STK3: variants seen among roughly 807,000 people sequenced by gnomAD.
STK3 encodes the protein serine/threonine-protein kinase 3.
A neutral mutation model predicts 58.0 loss-of-function variants in STK3; 41 were observed. That is an observed-to-expected ratio of 0.71 (90% confidence interval 0.55 to 0.92). STK3 has a LOEUF of 0.92. STK3 is among the 40% of genes least tolerant of loss of function. STK3 has a pLI of 0.00. For missense variants in STK3, 479 were observed against 602.7 expected (o/e 0.79, Z 2.15); for synonymous variants, 170 against 191.0 (o/e 0.89, Z 0.91).
chr8:98,609,624 T>G (rs979286245), intron 6 of STK3, among the ~76,000 whole-genome samples: 1 of 152,068 alleles, frequency 6.6e-6, no homozygotes, highest in African/African-American at 2.4e-5. Context: ...GCTGATGAAC[T>G]AATTGCCTTG....
rs1812179072 is a variant in STK3, at chr8:98,562,981, G to A, written c.949-14820C>T. On this transcript the variant is annotated intron_variant, in intron 8 of 10. Transcript: ENST00000419617. ...CAAAATTAAAAAAAAAAATTTAGGA[G>A]GTCAGGGGATCCCAGGGTGAAATGT... Among the ~76,000 whole-genome samples the A allele has an allele frequency of 2.0e-5, 3 of 150,362 alleles. No homozygotes were observed. In the South Asian group the frequency reaches 6.3e-4, roughly 32 times the overall value.
At chr8:98,677,545 G>GGAAGGAA (rs376652540) in intron 6 of STK3, among the ~76,000 whole-genome samples, 1 of 151,996 alleles carries the variant, frequency 6.6e-6, no homozygotes, top group Non-Finnish European at 1.5e-5. Context: ...AGGAGGAAGA[G>GGAAGGAA]GAAGGAAGAA....
the STK3 span, among the ~76,000 whole-genome samples, chr8:98,365,961 T>G: frequency 6.6e-6 from 1 of 152,222 alleles, no homozygotes; most frequent in Non-Finnish European, 1.5e-5. Flanking sequence ...TCCATTTTTT[T>G]TTTGTTTCTA....
At chr8:98,568,409 AGACTTAAGCTT>A (rs1812689351) in intron 8 of STK3, among the ~76,000 whole-genome samples, 1 of 152,366 alleles carries the variant, frequency 6.6e-6, no homozygotes, top group Admixed American at 6.5e-5. Context: ...ACCAAAAATA[AGACTTAAGCTT>A]GCAAAGAGAA....
chr8:98,585,910 T>C (rs2131773462), intron 7 of STK3, among the ~76,000 whole-genome samples: 1 of 151,924 alleles, frequency 6.6e-6, no homozygotes, highest in South Asian at 2.1e-4. Context: ...CTGTTGTTGG[T>C]GTATAAGAAT....
chr8:98,926,544 A>G (rs749393422), intron 1 of STK3, among the ~76,000 whole-genome samples: 16 of 152,126 alleles, frequency 1.1e-4, no homozygotes, highest in Non-Finnish European at 1.9e-4. Context: ...AAAGTAAAAC[A>G]ATACACACAC....
chr8:98,863,058 C>T (rs1191713095), intron 3 of STK3, among the ~76,000 whole-genome samples: 2 of 152,124 alleles, frequency 1.3e-5, no homozygotes, highest in Admixed American at 6.5e-5. Context: ...GTGAGTGGAG[C>T]CCAAGCCTGC....
chr8:98,416,076 G>A (rs949347865), intron 3 of STK3, among the ~76,000 whole-genome samples: 7 of 152,184 alleles, frequency 4.6e-5, no homozygotes, highest in Admixed American at 3.9e-4. Flanking sequence ...AAACACTGTA[G>A]GCTTTCACAC....
At chr8:98,697,171 G>A (rs1395287561) in intron 6 of STK3, among the ~76,000 whole-genome samples, 4 of 152,150 alleles carry the variant, frequency 2.6e-5, no homozygotes, top group Non-Finnish European at 5.9e-5. Flanking sequence ...TTCTCTGATG[G>A]TAGTTTGTAT....
At chr8:98,889,771 G>A (rs995204779) in intron 1 of STK3, 2 of 152,304 alleles carry the variant, frequency 1.3e-5, no homozygotes, top group East Asian at 1.9e-4. Flanking sequence ...TTGCTGAACC[G>A]TACCTCCACA....
In STK3 at chr8:98,874,189, G is replaced by T. The variant is rs1252562157; in HGVS notation, c.110+9458C>A. On this transcript the variant is annotated intron_variant, in intron 3 of 12. Transcript: ENST00000523601. ...ATTGGCCCCCACTCTCTTCTGGCTT[G>T]CAGAGTTTCTGCCAAGACATCCGCT... is the stretch of plus-strand genomic sequence containing the variant. Among the ~76,000 whole-genome samples, 5 of 152,310 alleles carry T rather than the reference G, an allele frequency of 3.3e-5. No individual in the cohort carries two copies. In the East Asian group the frequency reaches 9.6e-4, roughly 29 times the overall value.
At chr8:98,699,154 C>T (rs1279837656) in intron 6 of STK3, among the ~76,000 whole-genome samples, 8 of 151,998 alleles carry the variant, frequency 5.3e-5, no homozygotes, top group South Asian at 2.1e-4. Flanking sequence ...TTGATCGCAT[C>T]GGCTCCTGAG....
chr8:98,429,845 G>GC (rs1235913932), intron 3 of STK3: 1 of 174,154 alleles, frequency 5.7e-6, no homozygotes, highest in Non-Finnish European at 1.4e-5. Flanking sequence ...CATCTATGAG[G>GC]TCAGCAAGGA....
chr8:98,433,463 T>C (rs957933885), intron 3 of STK3, among the ~76,000 whole-genome samples: 1 of 152,190 alleles, frequency 6.6e-6, no homozygotes, highest in Non-Finnish European at 1.5e-5. Context: ...CCAAAGGCCA[T>C]GGTGAATCGG....
At chr8:98,854,973 C>T (rs1836614997) in intron 3 of STK3, among the ~76,000 whole-genome samples, 1 of 152,194 alleles carries the variant, frequency 6.6e-6, no homozygotes, top group Non-Finnish European at 1.5e-5. Context: ...ACAAGAATCA[C>T]TTGGACCTGG....
intron 4 of STK3, among the ~76,000 whole-genome samples, chr8:98,740,263 G>A (rs993838382): frequency 7.2e-5 from 11 of 152,064 alleles, no homozygotes; most frequent in East Asian, 1.9e-4. Flanking sequence ...GATACTCCTC[G>A]AGAAGAGCAA....
At chr8:98,634,051 G>A (rs769463252) in intron 6 of STK3, among the ~76,000 whole-genome samples, 1 of 152,164 alleles carries the variant, frequency 6.6e-6, no homozygotes, top group Admixed American at 6.5e-5. Flanking sequence ...AGATGTGGAC[G>A]AAAAGAAGGG....
chr8:98,572,355 T>A (rs1361246460), intron 8 of STK3, among the ~76,000 whole-genome samples: 1 of 152,112 alleles, frequency 6.6e-6, no homozygotes, highest in Non-Finnish European at 1.5e-5. Flanking sequence ...TAGTCAAAAA[T>A]GAATGTAAAT....
At chr8:98,812,255 C>T (rs1465896327) in intron 1 of STK3, among the ~76,000 whole-genome samples, 1 of 152,176 alleles carries the variant, frequency 6.6e-6, no homozygotes, top group African/African-American at 2.4e-5. Flanking sequence ...TCTTTTTATA[C>T]TCTTAGAAAG....
Sources: gnomAD v4.1 joint callset for allele counts (sites outside exome capture counted in the v4.1 genomes callset) on GRCh38, gnomAD v4.1.1 for gene constraint, MANE v1.5 for transcripts, NCBI Gene and HGNC (gene_info 2026-07-23, HGNC 2026-07-21) for gene names.